SMYD1: variants seen among roughly 807,000 people sequenced by gnomAD.
The protein encoded by SMYD1 is histone-lysine N-methyltransferase SMYD1.
Under a neutral mutation model 54.0 loss-of-function variants are expected in SMYD1, and 49 were observed. The ratio of observed to expected loss-of-function variants is 0.91; its 90% CI spans 0.72 to 1.15. The LOEUF (loss-of-function observed/expected upper bound fraction) is 1.15. Ranked by LOEUF, SMYD1 falls within the 50% of genes most tolerant of loss-of-function variation. The pLI is 0.00. For synonymous variants in SMYD1, 269 were observed against 234.2 expected, an observed-to-expected ratio of 1.15 and a Z score of -1.36; for missense variants, 653 against 639.6, an observed-to-expected ratio of 1.02 and a Z score of -0.23.
Position 88,111,824 on chromosome 2 carries a change from G to A in SMYD1, c.*1312G>A. The A allele has an allele frequency of 2.4e-6, 1 of 417,850 alleles. No individual in the cohort carries two copies. The highest frequency in any genetic ancestry group is 5.2e-5 in the South Asian group (1 of 19,302). The allele number at this position is 417,850 out of a possible 1,614,324, so 25.9% of individuals were successfully genotyped here. On this transcript the variant is annotated 3_prime_UTR_variant, in exon 10 of 10. Coordinates refer to ENST00000419482, the MANE Select transcript of SMYD1 (RefSeq NM_198274.4). ...CAATGTTTTGGGAGATCCTGGAAAA[G>A]ATCCCTTCAGTTTGGGGTGTCACCA...
intron 4 of SMYD1, among the ~76,000 whole-genome samples, chr2:88,091,406 T>C (rs1298173934): frequency 2.0e-5 from 3 of 152,226 alleles, no homozygotes; most frequent in African/African-American, 7.2e-5. Context: ...CTTTAACTAC[T>C]ATTTTAAAAC....
rs143639398 is a variant in SMYD1 at position 88,091,024 on chromosome 2, G to C, written c.541G>C (p.Gly181Arg). 1.2e-6 allele frequency: 2 copies of C among 1,613,422 alleles called. No individual in the cohort carries two copies. The highest frequency in any genetic ancestry group is 1.7e-6 in the Non-Finnish European group (2 of 1,179,640). Residue 181 changes from glycine to arginine, a missense_variant, in exon 4 of 10, where the codon GGT becomes CGT. Physicochemically the swap from Gly to Arg is moderately radical, Grantham distance 125. Coordinates refer to ENST00000419482, the MANE Select transcript of SMYD1 (RefSeq NM_198274.4). Reference protein sequence around the residue: ...SHIFGVINCNGFTLSDQRGLQ... With the variant: ...SHIFGVINCNRFTLSDQRGLQ... ...TTCCCCTGGGTAGATTAACTGCAAC[G>C]GTTTTACTCTCAGTGATCAGAGAGG...
At chr2:88,093,464 C>A (rs1472435032) in intron 4 of SMYD1, 53 bp from the exon 5 acceptor site, 1 of 1,607,250 alleles carries the variant, frequency 6.2e-7, no homozygotes, top group East Asian at 2.2e-5. Flanking sequence ...CTGGATCACA[C>A]CTGATCAGCC....
At chr2:88,105,405 A>T (rs1674839305) in intron 7 of SMYD1, among the ~76,000 whole-genome samples, 2 of 151,990 alleles carry the variant, frequency 1.3e-5, no homozygotes, top group Non-Finnish European at 2.9e-5. Flanking sequence ...ACACATATCG[A>T]TATCTTTAGA....
chr2:88,092,632 A>G (rs1674488458), intron 4 of SMYD1, among the ~76,000 whole-genome samples: 1 of 152,218 alleles, frequency 6.6e-6, no homozygotes, highest in Admixed American at 6.5e-5. Context: ...AAGATGGGAA[A>G]GTTTATTTTG....
rs1675014422 is a variant in SMYD1 at position 88,111,206 on chromosome 2, A to T, written c.*694A>T. 6.6e-6 allele frequency: 1 copy of T among 152,232 alleles called. No homozygotes were observed. The highest frequency in any genetic ancestry group is 6.5e-5 in the Admixed American group (1 of 15,286). 9.4% of individuals were successfully genotyped at this position (152,232 alleles called of 1,614,324 possible). A position where few individuals can be genotyped will look rare whatever the true frequency, so the allele number is the denominator to read the frequency against. ...CTTGCCCAAACCAACTGAGGTCTTA[A>T]AGTCCAGGGAAAAAAAGTCTGGGTT... is the stretch of plus-strand genomic sequence containing the variant. On this transcript the variant is annotated 3_prime_UTR_variant, in exon 10 of 10. Coordinates refer to ENST00000419482, the MANE Select transcript of SMYD1 (RefSeq NM_198274.4).
chr2:88,073,055 C>T (rs868476398), intron 1 of SMYD1, among the ~76,000 whole-genome samples: 6 of 152,248 alleles, frequency 3.9e-5, no homozygotes, highest in Admixed American at 1.3e-4. Flanking sequence ...ATTCTTCACC[C>T]TCTCCCTCCC....
intron 3 of SMYD1, among the ~76,000 whole-genome samples, chr2:88,090,281 A>G (rs1162310383): frequency 6.6e-6 from 1 of 152,246 alleles, no homozygotes; most frequent in Non-Finnish European, 1.5e-5. Flanking sequence ...AGATGTATTT[A>G]TAGATGAAGT....
chr2:88,073,034 G>T (rs567596055), intron 1 of SMYD1, among the ~76,000 whole-genome samples: 2 of 152,222 alleles, frequency 1.3e-5, no homozygotes, highest in East Asian at 3.9e-4. Context: ...TACCCTATAG[G>T]TAGCTTTTCA....
rs1420399331 is a variant in SMYD1 at position 88,102,107 on chromosome 2, A to C, written c.889-951A>C. 3.9e-5 allele frequency among the ~76,000 whole-genome samples: 6 copies of C among 151,914 alleles called. No homozygotes were observed. In the East Asian group the frequency reaches 1.2e-3, roughly 29 times the overall value. ...TTTTTAATATTGTTTTAATTTTCAC[A>C]ACTTGCATATGTCAATTTTACAGTC... On this transcript the variant is annotated intron_variant, in intron 6 of 9. Coordinates refer to ENST00000419482, the MANE Select transcript of SMYD1 (RefSeq NM_198274.4).
chr2:88,074,313 GC>G (rs879936136), intron 1 of SMYD1, among the ~76,000 whole-genome samples: 8 of 152,204 alleles, frequency 5.3e-5, no homozygotes, highest in Non-Finnish European at 8.8e-5. Context: ...ACTTGAGGCT[GC>G]CCACATTCCT....
chr2:88,080,206 A>T (rs1268543752), intron 1 of SMYD1, among the ~76,000 whole-genome samples: 7 of 152,188 alleles, frequency 4.6e-5, no homozygotes, highest in African/African-American at 1.7e-4. Flanking sequence ...AGAAATAAGC[A>T]GTGATTATAA....
rs772921057 is a variant in SMYD1, at chr2:88,106,366, A to G, written c.1023A>G (p.Pro341=). The G allele has an allele frequency of 1.2e-6, 2 of 1,614,156 alleles. No homozygotes were observed. The highest frequency in any genetic ancestry group is 2.2e-5 in the East Asian group (1 of 44,884). ...LCRECLEKQE[P]VFADTNIYML... is the part of the protein sequence containing the mutation. Reference sequence around the variant, plus strand: ...GGGAGTGCCTGGAGAAGCAGGAGCCAGTGTTTGCTGACACCAACATCTACA... The same window carrying G: ...GGGAGTGCCTGGAGAAGCAGGAGCCGGTGTTTGCTGACACCAACATCTACA... Residue 341 remains proline, a synonymous_variant, in exon 8 of 10, where the codon CCA becomes CCG. Coordinates refer to ENST00000419482, the MANE Select transcript of SMYD1 (RefSeq NM_198274.4).
intron 7 of SMYD1, among the ~76,000 whole-genome samples, chr2:88,105,102 T>C (rs964919453): frequency 6.6e-6 from 1 of 152,174 alleles, no homozygotes. Context: ...TGGTCTGGGG[T>C]AGGACTTGAA....
At chr2:88,091,809 A>G (rs1674468515) in intron 4 of SMYD1, among the ~76,000 whole-genome samples, 1 of 152,208 alleles carries the variant, frequency 6.6e-6, no homozygotes, top group Non-Finnish European at 1.5e-5. Context: ...GGCTGCAGTG[A>G]ACTATAATCA....
chr2:88,107,062 A>G (rs1288777439), intron 8 of SMYD1, among the ~76,000 whole-genome samples: 1 of 152,008 alleles, frequency 6.6e-6, no homozygotes, highest in Non-Finnish European at 1.5e-5. Flanking sequence ...TTAGTCAGGC[A>G]TGGTGGAGGG....
chr2:88,097,607 G>A (rs145863868), intron 6 of SMYD1, among the ~76,000 whole-genome samples: 105 of 152,206 alleles, frequency 6.9e-4, no homozygotes, highest in East Asian at 2.3e-3. Context: ...TTATAAGGAC[G>A]CTAGTCCTAT....
At chr2:88,102,716 A>C (rs566869888) in intron 6 of SMYD1, among the ~76,000 whole-genome samples, 29 of 152,368 alleles carry the variant, frequency 1.9e-4, no homozygotes, top group African/African-American at 7.0e-4. Context: ...GGAGAGCAGC[A>C]AATATTTTGG....
intron 9 of SMYD1, among the ~76,000 whole-genome samples, chr2:88,108,844 T>C (rs1487453367): frequency 6.6e-6 from 1 of 152,120 alleles, no homozygotes; most frequent in Non-Finnish European, 1.5e-5. Context: ...CTTCTAATCA[T>C]GCCAGGAGGG....
Sources: gnomAD v4.1 joint callset for allele counts (sites outside exome capture counted in the v4.1 genomes callset) on GRCh38, gnomAD v4.1.1 for gene constraint, MANE v1.5 for transcripts, NCBI Gene and HGNC (gene_info 2026-07-23, HGNC 2026-07-21) for gene names.